The following VTI1A variants were observed in gnomAD, a reference collection of about 807,000 sequenced individuals.
The protein encoded by VTI1A is vesicle transport through interaction with t-SNAREs homolog 1A.
In VTI1A, 22 loss-of-function variants were observed where a neutral mutation model predicts 34.9. That is an observed-to-expected ratio of 0.63 (90% confidence interval 0.45 to 0.90). The LOEUF is 0.90. Among genes scored for constraint, VTI1A ranks in the 40% least tolerant of loss-of-function variants. VTI1A has a pLI of 0.00. For missense variants in VTI1A, 268 were observed against 275.6 expected, an observed-to-expected ratio of 0.97 and a Z score of 0.20; for synonymous variants, 87 against 97.3, an observed-to-expected ratio of 0.89 and a Z score of 0.62.
chr10:112,801,651 A>T (rs529010399), intron 7 of VTI1A, among the ~76,000 whole-genome samples: 16 of 152,294 alleles, frequency 1.1e-4, no homozygotes, highest in Admixed American at 3.9e-4. Context: ...CCCATATGTT[A>T]TGTAAAAATA....
intron 7 of VTI1A, among the ~76,000 whole-genome samples, chr10:112,741,836 A>G (rs1025374918): frequency 2.0e-5 from 3 of 152,256 alleles, no homozygotes; most frequent in African/African-American, 7.2e-5. Flanking sequence ...TACTTGTTCA[A>G]CAGTGTCAAT....
At position 112,668,301 on chromosome 10, in the gene VTI1A, G is replaced by A; in HGVS notation, c.498+13G>A. On this transcript the variant is annotated intron_variant, in intron 6 of 7. Coordinates refer to ENST00000393077, the MANE Select transcript of VTI1A (RefSeq NM_145206.4). ...AGCACGTGAAAGAGTAAGTACAATT[G>A]ATACAGTTTTTTCACATATTCAGTA... 1 of 1,610,724 alleles carries A rather than the reference G, an allele frequency of 6.2e-7. No homozygotes were observed. Among genetic ancestry groups the A allele is most frequent in the Non-Finnish European group, 8.5e-7 (1 of 1,178,050 alleles).
intron 7 of VTI1A, among the ~76,000 whole-genome samples, chr10:112,688,729 G>A (rs189631064): frequency 6.6e-6 from 1 of 151,870 alleles, no homozygotes; most frequent in Admixed American, 6.6e-5. Context: ...AGTAGAGACG[G>A]GGTTTCATCA....
chr10:112,665,324 A>G (rs1847605507), intron 5 of VTI1A, among the ~76,000 whole-genome samples: 1 of 151,328 alleles, frequency 6.6e-6, no homozygotes, highest in Admixed American at 6.6e-5. Context: ...AAAAGCCCAC[A>G]TAAGTTTATT....
rs575495100 is a variant in VTI1A at position 112,556,853 on chromosome 10, G to A, written c.427+18523G>A. Reference sequence around the variant, plus strand: ...AATTTACTCTTCCAAATTTTGCATGGCATCTAAATATTTAAAATTAAAAGT... The same window carrying A: ...AATTTACTCTTCCAAATTTTGCATGACATCTAAATATTTAAAATTAAAAGT... On this transcript the variant is annotated intron_variant, in intron 5 of 7. Coordinates refer to ENST00000393077, the MANE Select transcript of VTI1A (RefSeq NM_145206.4). 2.8e-4 allele frequency among the ~76,000 whole-genome samples: 42 copies of A among 152,008 alleles called. 1 individual carries two copies. The highest frequency in any genetic ancestry group is 9.9e-4 in the African/African-American group (41 of 41,498).
chr10:112,449,428 A>T (rs1345788084), intron 1 of VTI1A: 1 of 152,204 alleles, frequency 6.6e-6, no homozygotes, highest in Non-Finnish European at 1.5e-5. Flanking sequence ...TTCTTAACAC[A>T]TAGAAGGAAA....
chr10:112,534,800 T>G (rs940875305), intron 4 of VTI1A, among the ~76,000 whole-genome samples: 3 of 152,192 alleles, frequency 2.0e-5, no homozygotes, highest in Non-Finnish European at 2.9e-5. Context: ...AAATATTATT[T>G]TTCTGCAAGA....
intron 5 of VTI1A, among the ~76,000 whole-genome samples, chr10:112,635,639 G>A (rs1846326122): frequency 1.3e-5 from 2 of 152,108 alleles, no homozygotes; most frequent in African/African-American, 4.8e-5. Flanking sequence ...CTTTTGCACT[G>A]GTCTTTGTGA....
At chr10:112,532,884 A>G (rs1228488051) in intron 4 of VTI1A, among the ~76,000 whole-genome samples, 2 of 152,118 alleles carry the variant, frequency 1.3e-5, no homozygotes, top group Non-Finnish European at 2.9e-5. Context: ...TCTTACATAC[A>G]CAGAAGTTCA....
chr10:112,470,578 T>C (rs992967388), intron 3 of VTI1A, among the ~76,000 whole-genome samples: 1 of 152,184 alleles, frequency 6.6e-6, no homozygotes, highest in Non-Finnish European at 1.5e-5. Context: ...AAAAGCTTCC[T>C]CTGTTACCTT....
intron 1 of VTI1A, among the ~76,000 whole-genome samples, chr10:112,456,650 C>T (rs1182359649): frequency 6.6e-6 from 1 of 152,148 alleles, no homozygotes; most frequent in Non-Finnish European, 1.5e-5. Flanking sequence ...CAGCAGCTTT[C>T]ATTCTATCTA....
At chr10:112,587,036 A>T (rs1589939609) in intron 5 of VTI1A, among the ~76,000 whole-genome samples, 1 of 152,132 alleles carries the variant, frequency 6.6e-6, no homozygotes, top group East Asian at 1.9e-4. Context: ...TTTCCTAGGC[A>T]TTGCATTTAG....
At chr10:112,611,065 C>T (rs1845289770) in intron 5 of VTI1A, among the ~76,000 whole-genome samples, 2 of 152,174 alleles carry the variant, frequency 1.3e-5, no homozygotes, top group South Asian at 4.1e-4. Context: ...TTCTTATGTT[C>T]ACTGTAAAGA....
rs1000172148 is a variant in VTI1A, at chr10:112,464,580, C to A, written c.187C>A (p.Pro63Thr). Residue 63 changes from proline to threonine, a missense_variant, in exon 3 of 8, where the codon CCA (proline) becomes ACA (threonine). Coordinates refer to ENST00000393077, the MANE Select transcript of VTI1A (RefSeq NM_145206.4). The part of the protein sequence containing the change: ...EQMDLEVREI[P>T]PQSRGMYSNR... The stretch of plus-strand genomic sequence containing the variant: ...GATGGATTTGGAAGTCCGAGAGATA[C>A]CACCCCAAAGTCGAGGGATGTACAG... The A allele has an allele frequency of 1.9e-6, 3 of 1,612,834 alleles. No homozygotes were observed. The highest frequency in any genetic ancestry group is 8.5e-7 in the Non-Finnish European group (1 of 1,179,222).
chr10:112,716,895 G>A (rs1373687957), intron 7 of VTI1A, among the ~76,000 whole-genome samples: 1 of 152,222 alleles, frequency 6.6e-6, no homozygotes, highest in East Asian at 1.9e-4. Flanking sequence ...AGACAAGGCG[G>A]GAGCCAGGGT....
intron 3 of VTI1A, among the ~76,000 whole-genome samples, chr10:112,477,572 A>G (rs150840905): frequency 0.013 from 1,991 of 152,358 alleles, 40 homozygotes; most frequent in African/African-American, 0.045. Context: ...GACTTCTTTT[A>G]TTAGTCATGA....
At chr10:112,514,611 C>CT (rs1564808278) in intron 3 of VTI1A, among the ~76,000 whole-genome samples, 1 of 151,566 alleles carries the variant, frequency 6.6e-6, no homozygotes, top group Admixed American at 6.6e-5. Context: ...CTGTTATTTT[C>CT]TTTTTTGATA....
intron 7 of VTI1A, among the ~76,000 whole-genome samples, chr10:112,743,754 C>T (rs900729564): frequency 2.0e-5 from 3 of 152,092 alleles, no homozygotes; most frequent in Non-Finnish European, 2.9e-5. Flanking sequence ...TTTTGCCTCT[C>T]CAGAGAGAAC....
At chr10:112,713,707 A>G (rs866431507) in intron 7 of VTI1A, among the ~76,000 whole-genome samples, 2 of 152,220 alleles carry the variant, frequency 1.3e-5, no homozygotes, top group Admixed American at 6.5e-5. Context: ...AAATCAGGCT[A>G]TGCCTTTATC....
Sources: allele counts gnomAD v4.1 joint callset (sites outside exome capture counted in the v4.1 genomes callset), GRCh38; gene constraint gnomAD v4.1.1; transcripts MANE v1.5; gene names NCBI Gene and HGNC (gene_info 2026-07-23, HGNC 2026-07-21).